Variants in KIFAP3 observed in about 807,000 individuals in gnomAD.
The protein encoded by KIFAP3 is kinesin associated protein 3, also known as kinesin-associated protein 3.
KIFAP3 carries 68 observed loss-of-function variants against 106.5 expected under a neutral mutation model. The ratio of observed to expected loss-of-function variants is 0.64; its 90% CI spans 0.53 to 0.78. KIFAP3 has a LOEUF of 0.78. Ranked by LOEUF, KIFAP3 falls within the 30% of genes least tolerant of loss-of-function variation. The pLI, the probability that KIFAP3 is intolerant of heterozygous loss-of-function variation, is 0.00. For synonymous variants in KIFAP3, 320 were observed against 311.5 expected (o/e 1.03, Z -0.29); for missense variants, 780 against 941.8 (o/e 0.83, Z 2.25).
At chr1:170,000,962 A>T (rs1229218994) in intron 10 of KIFAP3, among the ~76,000 whole-genome samples, 3 of 152,128 alleles carry the variant, frequency 2.0e-5, no homozygotes, top group Middle Eastern at 3.2e-3. Flanking sequence ...TAATTTTAAA[A>T]GTATGAGAAA....
chr1:170,046,214 A>AAAAAAAAAAAG (rs1232777294), intron 3 of KIFAP3, among the ~76,000 whole-genome samples: 1 of 146,098 alleles, frequency 6.8e-6, no homozygotes, highest in East Asian at 1.9e-4. Flanking sequence ...CTGCTGCAAA[A>AAAAAAAAAAAG]AAAAAAAAAA....
chr1:170,017,981 T>C (rs1557840696), intron 9 of KIFAP3, among the ~76,000 whole-genome samples: 1 of 152,200 alleles, frequency 6.6e-6, no homozygotes, highest in Non-Finnish European at 1.5e-5. Context: ...AAAGCAATAG[T>C]TGAAACTTTA....
Position 170,074,494 on chromosome 1 carries a change from G to A in KIFAP3, c.-27C>T, listed in dbSNP as rs767087784. 5.0e-6 allele frequency: 8 copies of A among 1,613,880 alleles called. No individual in the cohort carries two copies. The highest frequency in any genetic ancestry group is 2.2e-5 in the South Asian group (2 of 91,036). Reference sequence around the variant, plus strand: ...GCGGCAGCGGCAGCGGCGTGGAGAGGATGGGGTATCTTGAGAGGCAGGCGC... The same window carrying A: ...GCGGCAGCGGCAGCGGCGTGGAGAGAATGGGGTATCTTGAGAGGCAGGCGC... On this transcript the variant is annotated 5_prime_UTR_variant, in exon 1 of 20. Transcript: ENST00000361580.
chr1:170,047,271 A>G (rs1260382241), intron 2 of KIFAP3, among the ~76,000 whole-genome samples: 1 of 152,082 alleles, frequency 6.6e-6, no homozygotes, highest in Admixed American at 6.5e-5. Context: ...CACAATATTG[A>G]TATGTTCAGA....
chr1:169,931,385 G>C (rs935719521), intron 19 of KIFAP3, among the ~76,000 whole-genome samples: 3 of 152,056 alleles, frequency 2.0e-5, no homozygotes. Context: ...CAGAAAAAAT[G>C]CTCTAATAGG....
At chr1:170,051,438 G>C (rs1374004165) in intron 2 of KIFAP3, among the ~76,000 whole-genome samples, 1 of 152,186 alleles carries the variant, frequency 6.6e-6, no homozygotes, top group African/African-American at 2.4e-5. Flanking sequence ...AGATCAATGA[G>C]ACAGAAAATT....
intron 17 of KIFAP3, among the ~76,000 whole-genome samples, chr1:169,965,090 A>T (rs1665538805): frequency 6.6e-6 from 1 of 152,132 alleles, no homozygotes; most frequent in African/African-American, 2.4e-5. Context: ...TTTTTCTAAA[A>T]AATAAGTTGG....
chr1:170,046,210 C>CAAAAAAAAAAA (rs60580320), intron 3 of KIFAP3, among the ~76,000 whole-genome samples: 6,108 of 55,868 alleles, frequency 0.11, 571 homozygotes, highest in East Asian at 0.33. Flanking sequence ...TTCTCTGCTG[C>CAAAAAAAAAAA]AAAAAAAAAA....
chr1:170,014,137 T>C (rs1022344663), intron 10 of KIFAP3, among the ~76,000 whole-genome samples: 1 of 152,196 alleles, frequency 6.6e-6, no homozygotes, highest in African/African-American at 2.4e-5. Flanking sequence ...GCTACTGATC[T>C]CATCTTCAGA....
At chr1:170,067,933 C>T (rs1251363715) in intron 1 of KIFAP3, 1 of 152,070 alleles carries the variant, frequency 6.6e-6, no homozygotes, top group Non-Finnish European at 1.5e-5. Flanking sequence ...GAATACATAC[C>T]CAGAAAAAAC....
At chr1:170,039,802 T>A (rs1271853088) in intron 3 of KIFAP3, among the ~76,000 whole-genome samples, 1 of 152,178 alleles carries the variant, frequency 6.6e-6, no homozygotes, top group Admixed American at 6.5e-5. Flanking sequence ...GATAATAAAT[T>A]AAAAGGCAAA....
At position 170,055,432 on chromosome 1, in the gene KIFAP3, C is replaced by T; in HGVS notation, c.37G>A (p.Val13Ile). The change falls in exon 2 of 20, where the codon GTT becomes ATT. Residue 13 changes from valine to isoleucine, a missense_variant. By Grantham distance (29) the Val-to-Ile change is conservative. Around this residue, in one of 3 missense-constraint regions of KIFAP3, gnomAD observed 588 missense variants for 678.9 expected, o/e 0.87. Transcript: ENST00000361580. ...TGTACATCTATATTCCCTCCTTTAA[C>T]TTTCCTATAATACAAAATTGAAATG... is the stretch of plus-strand genomic sequence containing the variant. ...GEDARYLKRK[V>I]KGGNIDVHPS... 1 of 1,580,184 alleles carries T rather than the reference C, an allele frequency of 6.3e-7. No individual in the cohort carries two copies. Among genetic ancestry groups the T allele is most frequent in the Non-Finnish European group, 8.6e-7 (1 of 1,165,272 alleles).
intron 19 of KIFAP3, among the ~76,000 whole-genome samples, chr1:169,940,759 C>A (rs542215472): frequency 6.6e-6 from 1 of 152,192 alleles, no homozygotes; most frequent in African/African-American, 2.4e-5. Flanking sequence ...TAGAGAATAC[C>A]ATTTAAAATA....
intron 2 of KIFAP3, among the ~76,000 whole-genome samples, chr1:170,051,311 C>G (rs1670564021): frequency 6.6e-6 from 1 of 151,956 alleles, no homozygotes. Flanking sequence ...TATATGCACC[C>G]AATACAGGAC....
At chr1:169,954,144 A>G (rs1366397994) in intron 18 of KIFAP3, 34 bp from the exon 19 acceptor site, 3 of 1,299,782 alleles carry the variant, frequency 2.3e-6, no homozygotes, top group South Asian at 2.4e-5. Context: ...CCAGTAAAAC[A>G]TATGTGTAGG....
chr1:169,988,416 C>T (rs1571613530), intron 11 of KIFAP3, among the ~76,000 whole-genome samples: 3 of 151,952 alleles, frequency 2.0e-5, no homozygotes, highest in Admixed American at 6.6e-5. Context: ...TAAGCCACTG[C>T]TTTCCTACAT....
intron 10 of KIFAP3, among the ~76,000 whole-genome samples, chr1:169,998,393 TATATATACACACACACACACAC>T (rs1298150753): frequency 9.2e-6 from 1 of 108,804 alleles, no homozygotes; most frequent in African/African-American, 3.3e-5. Context: ...TATATATATA[TATATATACACACACACACACAC>T]ACACACACAC....
At chr1:169,926,420 T>C (rs1345585951) in intron 19 of KIFAP3, among the ~76,000 whole-genome samples, 1 of 152,178 alleles carries the variant, frequency 6.6e-6, no homozygotes, top group Non-Finnish European at 1.5e-5. Context: ...ATTAACGTGA[T>C]ACTTATGATG....
chr1:169,954,468 A>G (rs1664902801), intron 18 of KIFAP3, among the ~76,000 whole-genome samples: 1 of 152,242 alleles, frequency 6.6e-6, no homozygotes, highest in South Asian at 2.1e-4. Context: ...GGTTCAGGCT[A>G]AGGAAATAGA....
Sources: allele counts gnomAD v4.1 joint callset (sites outside exome capture counted in the v4.1 genomes callset), GRCh38; gene constraint gnomAD v4.1.1; regional missense constraint gnomAD v4.1.1; transcripts MANE v1.5; gene names NCBI Gene and HGNC (gene_info 2026-07-23, HGNC 2026-07-21).